Variants in UPF3B observed in about 807,000 individuals in gnomAD.
UPF3B encodes the protein regulator of nonsense transcripts 3B.
In UPF3B, 7 loss-of-function variants were observed where a neutral mutation model predicts 40.3. The ratio of observed to expected loss-of-function variants is 0.17; its 90% confidence interval spans 0.10 to 0.33. UPF3B has a LOEUF of 0.33. UPF3B is among the 10% of genes least tolerant of loss of function. The pLI, the probability that UPF3B is intolerant of heterozygous loss-of-function variation, is 1.00. For synonymous variants in UPF3B, 117 were observed against 117.3 expected (o/e 1.00, Z 0.01); for missense variants, 229 against 358.9 (o/e 0.64, Z 2.93).
At chrX:119,841,370 T>A (rs185199829) in intron 6 of UPF3B, 112 bp from the exon 7 acceptor site, 2 of 1,134,349 alleles carry the variant, frequency 1.8e-6, no homozygotes, top group African/African-American at 3.6e-5. Context: ...TCCTACTTTC[T>A]ACAAAGTGGC....
chrX:119,810,951 A>C (rs1408830837), intron 5 of UPF3B, among the ~76,000 whole-genome samples: 21 of 111,682 alleles, frequency 1.9e-4, no homozygotes. Flanking sequence ...TAAATGGCTA[A>C]TATCATTGCC....
chrX:119,849,792 G>C (rs1030775020), intron 3 of UPF3B, among the ~76,000 whole-genome samples: 6 of 111,205 alleles, frequency 5.4e-5, no homozygotes, highest in Non-Finnish European at 1.1e-4. Context: ...GGAAAATCCT[G>C]TAAGTTTAGA....
intron 3 of UPF3B, among the ~76,000 whole-genome samples, chrX:119,846,505 T>TAAAAA (rs780880120): frequency 8.6e-5 from 5 of 58,032 alleles, no homozygotes; most frequent in African/African-American, 2.7e-4. Flanking sequence ...TCGAGCCTGG[T>TAAAAA]AAAAAAAAAA....
chrX:119,840,455 G>A (rs754111271), intron 8 of UPF3B, 191 bp downstream of exon 8: 143 of 389,478 alleles, frequency 3.7e-4, no homozygotes, highest in Non-Finnish European at 4.9e-4. Flanking sequence ...AGAGCATCAG[G>A]AAGTCACCTG....
downstream of UPF3B, chrX:119,831,641 A>G (rs941738815): frequency 4.1e-6 from 3 of 732,418 alleles, no homozygotes; most frequent in African/African-American, 2.3e-5. Context: ...TCTACAGCTA[A>G]TACTACTTTC....
chrX:119,824,441 A>T (rs1299526650), intron 3 of UPF3B, among the ~76,000 whole-genome samples: 5 of 104,743 alleles, frequency 4.8e-5, no homozygotes, highest in African/African-American at 1.7e-4. Flanking sequence ...CCAGAGCTGG[A>T]CAGGCAAGGC....
chrX:119,841,311 C>A, intron 6 of UPF3B, 53 bp from the exon 7 acceptor site: 1 of 1,196,152 alleles, frequency 8.4e-7, no homozygotes, highest in Non-Finnish European at 1.1e-6. Context: ...TCACCAAAAC[C>A]CTAATAAATC....
chrX:119,807,333 CCT>C (rs2055801082), intron 6 of UPF3B: 1 of 808,780 alleles, frequency 1.2e-6, no homozygotes, highest in Non-Finnish European at 1.5e-6. Flanking sequence ...ACAACCACCC[CCT>C]TTCTCTCTAT....
At chrX:119,832,764 A>G (rs892367677), downstream of UPF3B, among the ~76,000 whole-genome samples, 1 of 112,011 alleles carries the variant, frequency 8.9e-6, no homozygotes, top group Non-Finnish European at 1.9e-5. Context: ...CATCAAAAAC[A>G]TGTAACATAC....
intron 3 of UPF3B, among the ~76,000 whole-genome samples, chrX:119,824,927 C>T (rs960372961): frequency 2.7e-5 from 3 of 109,339 alleles, no homozygotes; most frequent in Non-Finnish European, 5.7e-5. Flanking sequence ...CCACCATGCC[C>T]GGCTAATTTT....
chrX:119,846,888 GTAA>G (rs2056241229), intron 3 of UPF3B, among the ~76,000 whole-genome samples: 1 of 112,137 alleles, frequency 8.9e-6, no homozygotes, highest in Admixed American at 9.5e-5. Flanking sequence ...CTGATAAGGG[GTAA>G]TATCGAGAAT....
rs773780114 is a variant in UPF3B at position 119,817,266 on chromosome X, C to G, written c.495-1959G>C. ...ACAGGGGTGAGCCACCAAGCCCAGCCGAAGAGGTTTAATTGACTCACAGTT... is the reference window on the plus strand; with the variant it reads ...ACAGGGGTGAGCCACCAAGCCCAGCGGAAGAGGTTTAATTGACTCACAGTT... On this transcript the variant is annotated intron_variant, in intron 4 of 6. Coordinates refer to the UPF3B transcript ENST00000636792. Among the ~76,000 whole-genome samples the G allele has an allele frequency of 3.6e-5, 4 of 112,049 alleles. No homozygotes were observed. In the South Asian group the frequency reaches 1.1e-3, roughly 31 times the overall value.
intron 6 of UPF3B, among the ~76,000 whole-genome samples, chrX:119,805,718 A>G (rs1268909943): frequency 9.1e-6 from 1 of 109,912 alleles, no homozygotes; most frequent in Non-Finnish European, 1.9e-5. Context: ...TGCAGCCAAA[A>G]AACACATGAA....
chrX:119,818,407 C>T (rs1016566915), intron 4 of UPF3B, among the ~76,000 whole-genome samples: 5 of 111,729 alleles, frequency 4.5e-5, no homozygotes, highest in Non-Finnish European at 9.4e-5. Flanking sequence ...GTGGTGAAAC[C>T]CTGTCTCTAA....
At position 119,834,168 on chromosome X, in the gene UPF3B, A is replaced by G; in HGVS notation, c.*710T>C. 4 of 755,201 alleles carry G rather than the reference A, an allele frequency of 5.3e-6. No homozygotes were observed. Among genetic ancestry groups the G allele is most frequent in the Non-Finnish European group, 6.3e-6 (4 of 639,813 alleles). The allele number at this position is 755,201 out of a possible 1,213,427, so 62.2% of individuals were successfully genotyped here. ...GATCATGAGACCTAAGATCAAACAC[A>G]CTGGATTGTCAAGAGTCAAACAAGG... On this transcript the variant is annotated 3_prime_UTR_variant, in exon 11 of 11. Transcript: ENST00000276201.
chrX:119,840,768 C>A lies in UPF3B; in HGVS notation c.808-84G>T, dbSNP rs2056151861. 5.9e-5 allele frequency: 56 copies of A among 949,393 alleles called. No individual in the cohort carries two copies. The South Asian group carries it at 1.1e-3, about 18-fold the overall frequency. 78.2% of individuals were successfully genotyped at this position (949,393 alleles called of 1,213,427 possible). A position where few individuals can be genotyped will look rare whatever the true frequency, so the allele number is the denominator to read the frequency against. ...AGCTGAAAAAAAACCATAAATCATG[C>A]CAGCCAGCCCTAAGCCCTCATTTAC... On this transcript the variant is annotated intron_variant, in intron 7 of 10. Transcript: ENST00000276201.
intron 5 of UPF3B, among the ~76,000 whole-genome samples, chrX:119,842,476 G>A (rs1440358433): frequency 9.2e-6 from 1 of 108,940 alleles, no homozygotes; most frequent in African/African-American, 3.4e-5. Flanking sequence ...CCAGCTACTC[G>A]GGAGACTGCG....
intron 6 of UPF3B, among the ~76,000 whole-genome samples, chrX:119,806,218 T>A (rs1170357657): frequency 1.5e-4 from 14 of 93,178 alleles, no homozygotes; most frequent in Non-Finnish European, 2.1e-5. Flanking sequence ...TCATTCTCAG[T>A]AAACTATTGC....
At chrX:119,807,275 T>C (rs2055800635) in intron 6 of UPF3B, among the ~76,000 whole-genome samples, 1 of 111,627 alleles carries the variant, frequency 9.0e-6, no homozygotes, top group Non-Finnish European at 1.9e-5. Context: ...TCTGATCAGA[T>C]TCCTGCTTTG....
Sources: allele counts gnomAD v4.1 joint callset (sites outside exome capture counted in the v4.1 genomes callset), GRCh38; gene constraint gnomAD v4.1.1; transcripts MANE v1.5; gene names NCBI Gene and HGNC (gene_info 2026-07-23, HGNC 2026-07-21).